Variants in ERBIN observed in about 807,000 individuals in gnomAD.
ERBIN encodes erbb2 interacting protein.
Under a neutral mutation model 158.4 loss-of-function variants are expected in ERBIN, and 60 were observed. The observed-to-expected ratio is 0.38, with a 90% CI of 0.31 to 0.47. The LOEUF is 0.47. Among genes scored for constraint, ERBIN ranks in the 20% least tolerant of loss-of-function variants. The pLI, the probability that ERBIN is intolerant of heterozygous loss-of-function variation, is 0.99. For synonymous variants in ERBIN, 594 were observed against 557.2 expected, an observed-to-expected ratio of 1.07 and a Z score of -0.93; for missense variants, 1,610 against 1,648.0, an observed-to-expected ratio of 0.98 and a Z score of 0.40.
intron 1 of ERBIN, among the ~76,000 whole-genome samples, chr5:65,944,104 C>T (rs1745433954): frequency 6.6e-6 from 1 of 151,992 alleles, no homozygotes; most frequent in South Asian, 2.1e-4. Context: ...GCTGTATGAA[C>T]ATGGGTCGAT....
chr5:65,989,436 A>G (rs932036566), intron 2 of ERBIN, among the ~76,000 whole-genome samples: 2 of 152,222 alleles, frequency 1.3e-5, no homozygotes, highest in African/African-American at 4.8e-5. Flanking sequence ...CTGTCTTTGT[A>G]GTCTCTATTC....
At chr5:65,992,624 A>G in intron 2 of ERBIN, 86 bp from the exon 3 acceptor site, 1 of 998,466 alleles carries the variant, frequency 1.0e-6, no homozygotes, top group Admixed American at 2.6e-5. Flanking sequence ...TCTGTGACAT[A>G]TGAATTGTGA....
chr5:66,024,640 C>T lies in ERBIN; in HGVS notation c.817+190C>T, dbSNP rs912518908. On this transcript the variant is annotated intron_variant, in intron 10 of 25. Transcript: ENST00000284037. ...TTGACATTACTGTTTTTTATTTACTCTAAGGTAATCTCATTTTTATTTCTA... is the reference window on the plus strand; with the variant it reads ...TTGACATTACTGTTTTTTATTTACTTTAAGGTAATCTCATTTTTATTTCTA... Among the ~76,000 whole-genome samples, 4 of 152,038 alleles carry T rather than the reference C, an allele frequency of 2.6e-5. No individual in the cohort carries two copies. The South Asian group carries it at 8.3e-4, about 32-fold the overall frequency.
chr5:66,025,527 A>G lies in ERBIN; in HGVS notation c.865A>G (p.Met289Val). Residue 289 changes from methionine (M) to valine (V), a missense_variant, in exon 11 of 26, where the codon ATG becomes GTG. By Grantham distance (21) the Met-to-Val change is conservative. Coordinates refer to ENST00000284037, the MANE Select transcript of ERBIN (RefSeq NM_001253697.2). The part of the protein sequence containing the change: ...TTLKIDENQL[M>V]YLPDSIGGLI... ...GCTTAAAATAGATGAAAACCAGTTA[A>G]TGTATCTGCCAGACTCTATAGGAGG... 1 of 1,612,490 alleles carries G rather than the reference A, an allele frequency of 6.2e-7. No homozygotes were observed. Among genetic ancestry groups the G allele is most frequent in the Non-Finnish European group, 8.5e-7 (1 of 1,178,818 alleles).
chr5:65,985,294 T>G (rs1039232057), intron 1 of ERBIN, among the ~76,000 whole-genome samples: 72 of 152,354 alleles, frequency 4.7e-4, no homozygotes, highest in African/African-American at 1.7e-3. Context: ...GGTTTCACCA[T>G]GTTGGCCAGG....
intron 21 of ERBIN, among the ~76,000 whole-genome samples, chr5:66,064,939 A>G (rs564210821): frequency 3.9e-4 from 59 of 152,260 alleles, no homozygotes; most frequent in African/African-American, 1.2e-3. Flanking sequence ...GCCTCAAGCA[A>G]TCCTCTTGCT....
At chr5:65,959,071 C>T (rs1747626585) in intron 1 of ERBIN, among the ~76,000 whole-genome samples, 2 of 152,154 alleles carry the variant, frequency 1.3e-5, no homozygotes, top group African/African-American at 4.8e-5. Flanking sequence ...TACACATTAA[C>T]TTTATTTATA....
chr5:65,948,114 C>T (rs182608865), intron 1 of ERBIN, among the ~76,000 whole-genome samples: 71 of 151,808 alleles, frequency 4.7e-4, no homozygotes, highest in African/African-American at 1.4e-3. Context: ...TTTTACAGCA[C>T]GTATTCTATA....
chr5:66,019,684 T>C (rs576981987), intron 7 of ERBIN, among the ~76,000 whole-genome samples: 1 of 152,306 alleles, frequency 6.6e-6, no homozygotes, highest in East Asian at 1.9e-4. Flanking sequence ...ACTCACGTTT[T>C]CCTAAAATTG....
intron 21 of ERBIN, among the ~76,000 whole-genome samples, chr5:66,057,790 G>A (rs1250286647): frequency 6.7e-6 from 1 of 149,152 alleles, no homozygotes; most frequent in Non-Finnish European, 1.5e-5. Context: ...CTGTGAGTGA[G>A]AACATGCGGT....
intron 1 of ERBIN, among the ~76,000 whole-genome samples, chr5:65,988,288 G>A (rs767008386): frequency 3.9e-5 from 6 of 152,044 alleles, no homozygotes; most frequent in African/African-American, 1.5e-4. Flanking sequence ...TGGGAGGATT[G>A]ATTGTGCCCA....
chr5:66,052,696 A>G (rs1472993630), intron 20 of ERBIN, among the ~76,000 whole-genome samples: 1 of 152,218 alleles, frequency 6.6e-6, no homozygotes, highest in African/African-American at 2.4e-5. Context: ...TATGTATACA[A>G]GAGGACACAA....
At chr5:66,033,778 T>G (rs1046015059) in intron 14 of ERBIN, among the ~76,000 whole-genome samples, 1 of 152,048 alleles carries the variant, frequency 6.6e-6, no homozygotes, top group South Asian at 2.1e-4. Flanking sequence ...GCAGAGCATG[T>G]TTACAGGTTG....
At chr5:65,996,519 A>G (rs549774737) in intron 4 of ERBIN, among the ~76,000 whole-genome samples, 33 of 152,064 alleles carry the variant, frequency 2.2e-4, no homozygotes, top group African/African-American at 7.7e-4. Flanking sequence ...TGTCATTACC[A>G]TGCTGCTTTG....
intron 3 of ERBIN, among the ~76,000 whole-genome samples, chr5:65,994,360 C>T (rs1055577905): frequency 3.9e-5 from 6 of 152,154 alleles, no homozygotes; most frequent in African/African-American, 1.4e-4. Flanking sequence ...TATGTCTTAT[C>T]ACACCTAACA....
At chr5:65,965,502 T>G (rs1463591830) in intron 1 of ERBIN, among the ~76,000 whole-genome samples, 2 of 150,264 alleles carry the variant, frequency 1.3e-5, no homozygotes, top group African/African-American at 4.9e-5. Flanking sequence ...CCTCCTGGGT[T>G]CAAGCGATTC....
intron 1 of ERBIN, among the ~76,000 whole-genome samples, chr5:65,951,445 G>T (rs575487234): frequency 6.6e-6 from 1 of 152,158 alleles, no homozygotes; most frequent in Admixed American, 6.5e-5. Flanking sequence ...TGAGAAATCT[G>T]TCGTGAGGCC....
At chr5:66,026,105 A>G (rs1162077285) in intron 12 of ERBIN, 128 bp downstream of exon 12, 3 of 869,608 alleles carry the variant, frequency 3.4e-6, no homozygotes, top group South Asian at 4.5e-5. Flanking sequence ...TATTTTCTGA[A>G]TAATTAGCTA....
At chr5:65,940,313 A>G (rs63749582) in intron 1 of ERBIN, among the ~76,000 whole-genome samples, 74,869 of 123,634 alleles carry the variant, frequency 0.61, 19,165 homozygotes, top group Non-Finnish European at 0.69. Flanking sequence ...CCGCCTGGCA[A>G]CCGCCCCATA....
Sources: allele counts gnomAD v4.1 joint callset (sites outside exome capture counted in the v4.1 genomes callset), GRCh38; gene constraint gnomAD v4.1.1; transcripts MANE v1.5; gene names NCBI Gene and HGNC (gene_info 2026-07-23, HGNC 2026-07-21).